Variants in ABCB4 observed in about 807,000 individuals in gnomAD.
ABCB4 encodes the protein ATP binding cassette subfamily B member 4.
Under a neutral mutation model 145.7 loss-of-function variants are expected in ABCB4, and 76 were observed. That is an observed-to-expected ratio of 0.52 (90% CI 0.43 to 0.63). The LOEUF (loss-of-function observed/expected upper bound fraction) is 0.63. Among genes scored for constraint, ABCB4 ranks in the 30% least tolerant of loss-of-function variants. The pLI is 0.00. For missense variants in ABCB4, 1,234 were observed against 1,553.1 expected, an observed-to-expected ratio of 0.79 and a Z score of 3.45; for synonymous variants, 517 against 566.8, an observed-to-expected ratio of 0.91 and a Z score of 1.25.
intron 23 of ABCB4, among the ~76,000 whole-genome samples, chr7:87,410,682 C>T (rs1808556662): frequency 6.6e-6 from 1 of 152,148 alleles, no homozygotes; most frequent in Admixed American, 6.5e-5. Flanking sequence ...CACTTTTTAC[C>T]CATCTCTACC....
At chr7:87,458,416 A>C (rs1390340507) in intron 4 of ABCB4, among the ~76,000 whole-genome samples, 1 of 152,174 alleles carries the variant, frequency 6.6e-6, no homozygotes, top group South Asian at 2.1e-4. Context: ...TTGTAATATG[A>C]ACCTTTTTTT....
the ABCB4 span, among the ~76,000 whole-genome samples, chr7:87,370,613 C>T: frequency 2.3e-3 from 355 of 152,316 alleles, 4 homozygotes; most frequent in Non-Finnish European, 1.4e-3. Context: ...CAAAACTGCA[C>T]ACAGAAATGT....
At chr7:87,382,381 T>A in the ABCB4 span, 6 of 1,601,924 alleles carry the variant, frequency 3.7e-6, no homozygotes, top group Non-Finnish European at 5.1e-6. Flanking sequence ...TTAGGTGATT[T>A]TTCACCGTTC....
chr7:87,404,101 A>C (rs1808005415), intron 26 of ABCB4, among the ~76,000 whole-genome samples: 1 of 152,218 alleles, frequency 6.6e-6, no homozygotes, highest in African/African-American at 2.4e-5. Flanking sequence ...TTCTATTCAC[A>C]GTCAAATCCA....
chr7:87,392,527 A>T, the ABCB4 span: 4 of 1,529,994 alleles, frequency 2.6e-6, no homozygotes, highest in South Asian at 3.4e-5. Flanking sequence ...TGGGTTTTGC[A>T]CAGTGTGTTA....
intron 7 of ABCB4, 55 bp from the exon 8 acceptor site, chr7:87,450,147 A>T (rs1479810527): frequency 5.6e-6 from 9 of 1,606,438 alleles, no homozygotes; most frequent in Non-Finnish European, 7.6e-6. Context: ...GTTTAAAGGC[A>T]CTCTGGTCAA....
chr7:87,452,090 G>C (rs557781158), intron 6 of ABCB4, among the ~76,000 whole-genome samples: 3 of 152,310 alleles, frequency 2.0e-5, no homozygotes, highest in East Asian at 3.9e-4. Context: ...TTAAAAGCAA[G>C]AATTAAGAAG....
the ABCB4 span, among the ~76,000 whole-genome samples, chr7:87,383,344 T>C: frequency 1.8e-3 from 268 of 152,310 alleles, no homozygotes; most frequent in African/African-American, 6.3e-3. Context: ...CTCCCATATA[T>C]AGGTGAGAAC....
At chr7:87,424,700 AT>A (rs1204373754) in intron 16 of ABCB4, among the ~76,000 whole-genome samples, 3 of 151,956 alleles carry the variant, frequency 2.0e-5, no homozygotes, top group Non-Finnish European at 2.9e-5. Context: ...CTTGTCTGTG[AT>A]TTTTTTGTTT....
the ABCB4 span, among the ~76,000 whole-genome samples, chr7:87,380,325 T>C: frequency 1.3e-5 from 2 of 152,272 alleles, no homozygotes; most frequent in East Asian, 1.9e-4. Context: ...AGAGGGTGCA[T>C]AGGAAGCATG....
chr7:87,438,900 T>C (rs1447130714), intron 14 of ABCB4, among the ~76,000 whole-genome samples: 1 of 152,190 alleles, frequency 6.6e-6, no homozygotes, highest in Non-Finnish European at 1.5e-5. Flanking sequence ...GTCTCTTAAA[T>C]TGTAAGAGGT....
At chr7:87,455,820 G>C (rs554442975) in intron 4 of ABCB4, among the ~76,000 whole-genome samples, 3 of 151,870 alleles carry the variant, frequency 2.0e-5, no homozygotes, top group Admixed American at 6.6e-5. Context: ...TCGTGTTTTC[G>C]TGGTGCTGTG....
chr7:87,378,792 T>C, the ABCB4 span, among the ~76,000 whole-genome samples: 1 of 152,150 alleles, frequency 6.6e-6, no homozygotes, highest in Admixed American at 6.5e-5. Flanking sequence ...ATCTAGTGGG[T>C]AGAATCAGTC....
chr7:87,450,564 A>G (rs45493392), intron 7 of ABCB4, among the ~76,000 whole-genome samples: 39,872 of 147,744 alleles, frequency 0.27, 6,381 homozygotes, highest in African/African-American at 0.46. Context: ...TCTGCCTCCC[A>G]GTTTCAAGTG....
Position 87,443,049 on chromosome 7 carries a change from G to T in ABCB4, c.1356+270C>A, listed in dbSNP as rs537858045. 6.0e-4 allele frequency among the ~76,000 whole-genome samples: 92 copies of T among 152,330 alleles called. 1 individual carries two copies. The highest frequency in any genetic ancestry group is 2.0e-3 in the African/African-American group (85 of 41,568). The stretch of plus-strand genomic sequence containing the variant: ...TTGAAAGTAATCCTCTCAGTGGTTT[G>T]TAGACTGCTTTGCAGTAATTTAATG... On this transcript the variant is annotated intron_variant, in intron 12 of 27. Transcript: ENST00000649586.
intron 14 of ABCB4, among the ~76,000 whole-genome samples, chr7:87,435,208 G>A (rs1435408892): frequency 2.0e-5 from 3 of 152,136 alleles, no homozygotes; most frequent in Non-Finnish European, 2.9e-5. Flanking sequence ...TAGTAATAAA[G>A]GGTTTATCTT....
chr7:87,392,530 G>C, the ABCB4 span: 1 of 1,545,788 alleles, frequency 6.5e-7, no homozygotes, highest in Admixed American at 1.7e-5. Flanking sequence ...GTTTTGCACA[G>C]TGTGTTATTG....
chr7:87,448,645 G>C (rs1452758170), intron 8 of ABCB4: 1 of 152,338 alleles, frequency 6.6e-6, no homozygotes, highest in African/African-American at 2.4e-5. Context: ...GGGGCTAATG[G>C]AGCGGCACAG....
chr7:87,392,494 T>C, the ABCB4 span: 1 of 1,186,942 alleles, frequency 8.4e-7, no homozygotes, highest in Non-Finnish European at 1.2e-6. Context: ...CTAATTACAA[T>C]GAGCTTAGGA....
Sources: gnomAD v4.1 joint callset for allele counts (sites outside exome capture counted in the v4.1 genomes callset) on GRCh38, gnomAD v4.1.1 for gene constraint, MANE v1.5 for transcripts, NCBI Gene and HGNC (gene_info 2026-07-23, HGNC 2026-07-21) for gene names.